ZBBX: variants seen among roughly 807,000 people sequenced by gnomAD.
ZBBX encodes zinc finger B-box domain-containing protein 1.
ZBBX carries 101 observed loss-of-function variants against 108.5 expected under a neutral mutation model. The observed-to-expected ratio is 0.93, with a 90% CI of 0.79 to 1.10. The LOEUF (loss-of-function observed/expected upper bound fraction) is 1.10. Among genes scored for constraint, ZBBX ranks in the 50% least tolerant of loss-of-function variants. The pLI is 0.00. For synonymous variants in ZBBX, 356 were observed against 323.4 expected, an observed-to-expected ratio of 1.10 and a Z score of -1.08; for missense variants, 1,009 against 941.4, an observed-to-expected ratio of 1.07 and a Z score of -0.94.
At chr3:167,383,512 A>G (rs1263822810), upstream of ZBBX, among the ~76,000 whole-genome samples, 2 of 152,102 alleles carry the variant, frequency 1.3e-5, no homozygotes, top group Non-Finnish European at 2.9e-5. Flanking sequence ...AATAAAAAGA[A>G]ACTTAGAGTT....
At chr3:167,303,101 A>G (rs1300410110) in intron 17 of ZBBX, among the ~76,000 whole-genome samples, 5 of 152,176 alleles carry the variant, frequency 3.3e-5, no homozygotes, top group African/African-American at 1.2e-4. Flanking sequence ...GAGACCCAAG[A>G]GGAATTGTAC....
intron 18 of ZBBX, among the ~76,000 whole-genome samples, chr3:167,297,186 G>GT (rs1388239625): frequency 2.0e-5 from 3 of 151,956 alleles, no homozygotes; most frequent in Non-Finnish European, 4.4e-5. Context: ...ATTAACATAT[G>GT]TATTATCTCA....
intron 2 of ZBBX, among the ~76,000 whole-genome samples, chr3:167,377,056 T>C (rs1156372886): frequency 6.6e-6 from 1 of 152,214 alleles, no homozygotes; most frequent in Non-Finnish European, 1.5e-5. Context: ...ACCAAAAATT[T>C]AGTAGTGATT....
In ZBBX at chr3:167,259,440, CT is replaced by C. The variant is rs564262896; in HGVS notation, c.2255-16798del. ...AGAACCACCTGTTTGTTTCATTTAT[CT>C]TTTGTATTTTGTTCATTTGTTTCAA... is the stretch of plus-strand genomic sequence containing the variant. On this transcript the variant is annotated intron_variant, in intron 20 of 21. Coordinates refer to ENST00000675490, the MANE Select transcript of ZBBX (RefSeq NM_001199201.2). Among the ~76,000 whole-genome samples, 229 of 152,112 alleles carry C rather than the reference CT, an allele frequency of 1.5e-3. 1 individual carries two copies. Among genetic ancestry groups the C allele is most frequent in the Non-Finnish European group, 4.4e-4 (30 of 67,986 alleles).
chr3:167,322,610 C>T (rs936783177), intron 11 of ZBBX, among the ~76,000 whole-genome samples: 1 of 152,012 alleles, frequency 6.6e-6, no homozygotes, highest in African/African-American at 2.4e-5. Context: ...ATAATATTTA[C>T]ACATTATGAG....
At chr3:167,249,757 C>G (rs1194762471) in intron 20 of ZBBX, among the ~76,000 whole-genome samples, 1 of 152,208 alleles carries the variant, frequency 6.6e-6, no homozygotes, top group Non-Finnish European at 1.5e-5. Flanking sequence ...CAGAAGCAGG[C>G]TGCTCTGTCA....
At chr3:167,189,884 C>T in the ZBBX span, among the ~76,000 whole-genome samples, 1 of 152,130 alleles carries the variant, frequency 6.6e-6, no homozygotes, top group Non-Finnish European at 1.5e-5. Context: ...GACAATTCCA[C>T]CATTGCAGCA....
At chr3:167,245,184 C>A (rs1363046983) in intron 20 of ZBBX, among the ~76,000 whole-genome samples, 1 of 152,028 alleles carries the variant, frequency 6.6e-6, no homozygotes, top group Non-Finnish European at 1.5e-5. Flanking sequence ...GAGGCCGAGG[C>A]GGGCGGATCA....
At chr3:167,365,019 A>G (rs996180490) in intron 6 of ZBBX, among the ~76,000 whole-genome samples, 7 of 151,664 alleles carry the variant, frequency 4.6e-5, no homozygotes, top group African/African-American at 1.7e-4. Context: ...GCCTCCTTTC[A>G]TCTGACCTCT....
At chr3:167,371,452 C>A (rs1368182485) in intron 4 of ZBBX, among the ~76,000 whole-genome samples, 1 of 152,164 alleles carries the variant, frequency 6.6e-6, no homozygotes, top group Non-Finnish European at 1.5e-5. Flanking sequence ...TAGTCCCTTG[C>A]CTTTACACAT....
intron 6 of ZBBX, among the ~76,000 whole-genome samples, chr3:167,364,744 C>T (rs992393664): frequency 6.6e-6 from 1 of 152,010 alleles, no homozygotes; most frequent in Admixed American, 6.6e-5. Flanking sequence ...TACACACTGG[C>T]TTTCTTTAAG....
intron 5 of ZBBX, among the ~76,000 whole-genome samples, chr3:167,367,968 G>GTGTA (rs1412044443): frequency 9.1e-5 from 2 of 21,908 alleles, no homozygotes; most frequent in African/African-American, 2.9e-4. Flanking sequence ...TTATATATAT[G>GTGTA]TATATATATA....
At chr3:167,281,437 A>G (rs1728795657) in intron 20 of ZBBX, among the ~76,000 whole-genome samples, 1 of 152,192 alleles carries the variant, frequency 6.6e-6, no homozygotes, top group Middle Eastern at 3.2e-3. Flanking sequence ...TCCAAGATCA[A>G]TAAAGGAAGA....
intron 16 of ZBBX, among the ~76,000 whole-genome samples, chr3:167,311,973 A>T (rs897670657): frequency 2.6e-5 from 4 of 152,156 alleles, no homozygotes; most frequent in African/African-American, 9.7e-5. Context: ...CCCAATAAAA[A>T]CCCATACATG....
chr3:167,301,002 G>T (rs989606612), intron 17 of ZBBX, among the ~76,000 whole-genome samples: 4 of 147,144 alleles, frequency 2.7e-5, no homozygotes, highest in Non-Finnish European at 5.9e-5. Context: ...GAGATTTGTT[G>T]TACAGATTAT....
At chr3:167,389,243 C>A (rs988756258) in intron 1 of ZBBX, among the ~76,000 whole-genome samples, 1 of 152,026 alleles carries the variant, frequency 6.6e-6, no homozygotes, top group Admixed American at 6.6e-5. Context: ...GTTTTCTGTT[C>A]CTATGTTACT....
intron 1 of ZBBX, among the ~76,000 whole-genome samples, chr3:167,395,464 A>AT (rs1398061345): frequency 6.6e-6 from 1 of 150,858 alleles, no homozygotes; most frequent in Admixed American, 6.6e-5. Context: ...AAAATTATAG[A>AT]GTAAATAATT....
chr3:167,314,010 T>A lies in ZBBX; in HGVS notation c.1381A>T (p.Arg461Ter). The change falls in exon 16 of 22, where the codon AGA (arginine) becomes TGA (stop). Residue 461 changes from arginine (R) to a stop codon, truncating the protein, a stop_gained. Coordinates refer to ENST00000675490, the MANE Select transcript of ZBBX (RefSeq NM_001199201.2). LOFTEE classifies it high-confidence loss of function. The stretch of plus-strand genomic sequence containing the variant: ...TCTTTATAATAAGTAGAGCTGTTTC[T>A]CAGACAAAGATTTAAGAAGTCTCTC... ...GKRDFLNLCL[R>*]NSSTYYKDNS... 6.2e-7 allele frequency: 1 copy of A among 1,604,150 alleles called. No individual in the cohort carries two copies.
chr3:167,402,357 T>C (rs13098115), intron 1 of ZBBX, among the ~76,000 whole-genome samples: 13,671 of 152,162 alleles, frequency 0.09, 643 homozygotes, highest in Non-Finnish European at 0.11. Context: ...ATGTTGGCGA[T>C]TGGGTTAACA....
Sources: allele counts gnomAD v4.1 joint callset (sites outside exome capture counted in the v4.1 genomes callset), GRCh38; gene constraint gnomAD v4.1.1; transcripts MANE v1.5; gene names NCBI Gene and HGNC (gene_info 2026-07-23, HGNC 2026-07-21).